Variants in PLAAT5 observed in about 807,000 individuals in gnomAD.
PLAAT5 encodes the protein phospholipase A and acyltransferase 5.
PLAAT5 carries 27 observed loss-of-function variants against 27.8 expected under a neutral mutation model. The ratio of observed to expected loss-of-function variants is 0.97; its 90% CI spans 0.72 to 1.34. PLAAT5 has a LOEUF of 1.34. Ranked by LOEUF, PLAAT5 falls within the 40% of genes most tolerant of loss-of-function variation. PLAAT5 has a pLI of 0.00. For synonymous variants in PLAAT5, 125 were observed against 136.1 expected, an observed-to-expected ratio of 0.92 and a Z score of 0.57; for missense variants, 368 against 343.8, an observed-to-expected ratio of 1.07 and a Z score of -0.56.
At chr11:63,488,443 A>G (rs1360309808) in intron 3 of PLAAT5, among the ~76,000 whole-genome samples, 3 of 152,192 alleles carry the variant, frequency 2.0e-5, no homozygotes, top group Non-Finnish European at 2.9e-5. Context: ...TGCCAAATTT[A>G]TCAAATTGTA....
At chr11:63,474,948 T>C (rs1361766761) in intron 3 of PLAAT5, among the ~76,000 whole-genome samples, 2 of 152,086 alleles carry the variant, frequency 1.3e-5, no homozygotes, top group Non-Finnish European at 2.9e-5. Context: ...AATTTCCAAA[T>C]ACTTGTAAAT....
At chr11:63,474,491 G>A (rs1019059735) in intron 3 of PLAAT5, among the ~76,000 whole-genome samples, 5 of 152,006 alleles carry the variant, frequency 3.3e-5, no homozygotes, top group Admixed American at 6.6e-5. Flanking sequence ...TCCCTTTTAT[G>A]TCTATAAGAT....
At chr11:63,468,029 T>C (rs2015909070) in intron 4 of PLAAT5, among the ~76,000 whole-genome samples, 1 of 152,212 alleles carries the variant, frequency 6.6e-6, no homozygotes, top group East Asian at 1.9e-4. Context: ...TGGGGAATCC[T>C]CAGAAAGATG....
At chr11:63,465,944 A>C (rs1590603824) in intron 5 of PLAAT5, among the ~76,000 whole-genome samples, 166 bp downstream of exon 5, 2 of 152,296 alleles carry the variant, frequency 1.3e-5, no homozygotes, top group Admixed American at 1.3e-4. Context: ...TGGGTTAATA[A>C]AGGTGAAAAT....
At chr11:63,463,707 C>G in intron 5 of PLAAT5, 112 bp from the exon 6 acceptor site, 1 of 796,992 alleles carries the variant, frequency 1.3e-6, no homozygotes, top group Non-Finnish European at 2.2e-6. Flanking sequence ...GAGTCTATTC[C>G]CAAGAGAAGA....
In PLAAT5 at chr11:63,491,115, G is replaced by C. The variant is rs944223394; in HGVS notation, c.-81C>G. On this transcript the variant is annotated 5_prime_UTR_variant, in exon 1 of 6. Coordinates refer to ENST00000540857, the MANE Select transcript of PLAAT5 (RefSeq NM_001146729.2). The stretch of plus-strand genomic sequence containing the variant: ...GAGTTCCCAGTCGGCGCGGCCCCTG[G>C]TCGGCGGAGCCGCGGAAGCTTGGGC... 1.1e-5 allele frequency: 13 copies of C among 1,229,510 alleles called. No individual in the cohort carries two copies. The African/African-American group carries it at 2.1e-4, about 20-fold the overall frequency. 76.2% of individuals were successfully genotyped at this position (1,229,510 alleles called of 1,614,324 possible).
chr11:63,469,200 G>A (rs1410640000), intron 3 of PLAAT5, among the ~76,000 whole-genome samples: 6 of 150,860 alleles, frequency 4.0e-5, no homozygotes, highest in African/African-American at 1.5e-4. Context: ...GAATAGGTAG[G>A]CATAGAGTTG....
rs772592536 is a variant in PLAAT5, at chr11:63,488,973, C to T, written c.243G>A (p.Glu81=). ...LEQGRSIQQG[E]KAVVSLETTP... is the part of the protein sequence containing the mutation. ...TGGTCTCCAAGCTAACTACAGCCTT[C>T]TCCCTAAATGATTTTGCAATCACAA... Residue 81 remains glutamate (E), a synonymous_variant, in exon 3 of 6, where the codon GAG becomes GAA. Transcript: ENST00000540857. 2 of 1,604,622 alleles carry T rather than the reference C, an allele frequency of 1.2e-6. No homozygotes were observed. Among genetic ancestry groups the T allele is most frequent in the Non-Finnish European group, 1.7e-6 (2 of 1,172,552 alleles).
At chr11:63,475,910 T>C (rs12292672) in intron 3 of PLAAT5, among the ~76,000 whole-genome samples, 3,086 of 152,188 alleles carry the variant, frequency 0.02, 118 homozygotes, top group African/African-American at 0.071. Flanking sequence ...TTCCCTCCTT[T>C]ATGTTATTAT....
At chr11:63,480,990 A>G (rs1316972928) in intron 3 of PLAAT5, among the ~76,000 whole-genome samples, 7 of 152,182 alleles carry the variant, frequency 4.6e-5, no homozygotes, top group Non-Finnish European at 1.0e-4. Context: ...TGCATTTTGT[A>G]TATCTCTAAG....
intron 4 of PLAAT5, among the ~76,000 whole-genome samples, chr11:63,467,904 G>A (rs2015905557): frequency 1.3e-5 from 2 of 152,240 alleles, no homozygotes; most frequent in Non-Finnish European, 2.9e-5. Context: ...TGTTGGAACA[G>A]CAGCGAGACA....
chr11:63,488,674 G>A (rs1398659667), intron 3 of PLAAT5, among the ~76,000 whole-genome samples, 197 bp downstream of exon 3: 1 of 146,616 alleles, frequency 6.8e-6, no homozygotes, highest in Non-Finnish European at 1.5e-5. Flanking sequence ...CTTTTTTGTG[G>A]GTTTTTTTTT....
rs138067753 is a variant in PLAAT5 at position 63,466,144 on chromosome 11, T to C, written c.683A>G (p.Asn228Ser). The C allele has an allele frequency of 3.7e-6, 6 of 1,614,006 alleles. No homozygotes were observed. The highest frequency in any genetic ancestry group is 4.2e-6 in the Non-Finnish European group (5 of 1,180,026). The change falls in exon 5 of 6, where the codon AAT becomes AGT. Residue 228 changes from asparagine to serine, a missense_variant. Coordinates refer to ENST00000540857, the MANE Select transcript of PLAAT5 (RefSeq NM_001146729.2). The stretch of plus-strand genomic sequence containing the variant: ...CCGGGGTACGCCATATCTGAGGCCA[T>C]TGACAAAGTGCTCACAGTTCCCTTC... Reference protein sequence around the residue: ...LIEGNCEHFVNGLRYGVPRSQ... With the variant: ...LIEGNCEHFVSGLRYGVPRSQ...
chr11:63,488,910 C>T lies in PLAAT5; in HGVS notation c.306G>A (p.Lys102=), dbSNP rs1316903816. 6.2e-7 allele frequency: 1 copy of T among 1,613,802 alleles called. No individual in the cohort carries two copies. Among genetic ancestry groups the T allele is most frequent in the Admixed American group, 1.7e-5 (1 of 60,008 alleles). Residue 102 remains lysine, a synonymous_variant, in exon 3 of 6, where the codon AAG becomes AAA. Coordinates refer to ENST00000540857, the MANE Select transcript of PLAAT5 (RefSeq NM_001146729.2). ...SQKADWSSIP[K]PENEGKLIKQ... ...TTATTAACTTGCCTTCATTCTCAGG[C>T]TTTGGAATTGAACTCCAGTCTGCTT... is the stretch of plus-strand genomic sequence containing the variant.
At chr11:63,483,903 A>G (rs1034169512) in intron 3 of PLAAT5, among the ~76,000 whole-genome samples, 14 of 142,910 alleles carry the variant, frequency 9.8e-5, no homozygotes, top group African/African-American at 3.5e-4. Context: ...AAATTGATAG[A>G]CCATTAATGA....
At position 63,490,255 on chromosome 11, in the gene PLAAT5, C is replaced by A. The variant is rs2016529212; in HGVS notation, c.227G>T (p.Ser76Ile). ...ACAATCTTCTTACCCTTGCTGGATG[C>A]TTCTGCCCTGTTCTAATGTGCCCGG... ...PPPGTLEQGR[S>I]IQQGEKAVVS... The change falls in exon 2 of 6, where the codon AGC (serine) becomes ATC (isoleucine). Residue 76 changes from serine to isoleucine, a missense_variant. Coordinates refer to ENST00000540857, the MANE Select transcript of PLAAT5 (RefSeq NM_001146729.2). 1 of 1,614,252 alleles carries A rather than the reference C, an allele frequency of 6.2e-7. No individual in the cohort carries two copies. The highest frequency in any genetic ancestry group is 8.5e-7 in the Non-Finnish European group (1 of 1,180,042).
chr11:63,486,161 G>T (rs2016429127), intron 3 of PLAAT5, among the ~76,000 whole-genome samples: 5 of 152,118 alleles, frequency 3.3e-5, no homozygotes, highest in Admixed American at 3.3e-4. Flanking sequence ...GGTGAAAAGG[G>T]AACACTTTTA....
At chr11:63,483,784 AATATATATATATATATGTATATATATAT>A (rs1326220352) in intron 3 of PLAAT5, among the ~76,000 whole-genome samples, 10 of 65,676 alleles carry the variant, frequency 1.5e-4, no homozygotes, top group East Asian at 9.9e-4. Flanking sequence ...GCAAAAAAAA[AATATATATATATATATGTATATATATAT>A]ATATATATAT....
At chr11:63,480,488 G>A (rs936660603) in intron 3 of PLAAT5, among the ~76,000 whole-genome samples, 2 of 152,140 alleles carry the variant, frequency 1.3e-5, no homozygotes, top group African/African-American at 4.8e-5. Flanking sequence ...GAGGTAGTAA[G>A]GTATAAAACT....
Sources: gnomAD v4.1 joint callset for allele counts (sites outside exome capture counted in the v4.1 genomes callset) on GRCh38, gnomAD v4.1.1 for gene constraint, MANE v1.5 for transcripts, NCBI Gene and HGNC (gene_info 2026-07-23, HGNC 2026-07-21) for gene names.